The following LEF1 variants were observed in gnomAD, a reference collection of about 807,000 sequenced individuals.
LEF1 encodes lymphoid enhancer binding factor 1.
A neutral mutation model predicts 51.2 loss-of-function variants in LEF1; 14 were observed. That is an observed-to-expected ratio of 0.27 (90% confidence interval 0.18 to 0.43). The LOEUF is 0.43. LEF1 is among the 20% of genes least tolerant of loss of function. The pLI is 1.00. For synonymous variants in LEF1, 185 were observed against 183.2 expected, an observed-to-expected ratio of 1.01 and a Z score of -0.08; for missense variants, 386 against 512.0, an observed-to-expected ratio of 0.75 and a Z score of 2.37.
rs183530248 is a variant in LEF1 at position 108,104,972 on chromosome 4, T to C, written c.415-15715A>G. Among the ~76,000 whole-genome samples the C allele has an allele frequency of 7.2e-5, 11 of 152,162 alleles. No individual in the cohort carries two copies. In the East Asian group the frequency reaches 2.1e-3, roughly 29 times the overall value. On this transcript the variant is annotated intron_variant, in intron 3 of 11. Transcript: ENST00000265165. ...TTGTTCTCAGCTGCCAGGTGAGAGA[T>C]AGGCATGTGACACGGGAGCTGAAGA...
intron 3 of LEF1, among the ~76,000 whole-genome samples, chr4:108,138,631 T>C (rs1324040227): frequency 6.6e-6 from 1 of 152,244 alleles, no homozygotes; most frequent in Non-Finnish European, 1.5e-5. Context: ...ATCTGAAGAA[T>C]ATTTTTACTT....
intron 3 of LEF1, among the ~76,000 whole-genome samples, chr4:108,155,937 G>A (rs1321668652): frequency 1.3e-5 from 2 of 152,142 alleles, no homozygotes; most frequent in Admixed American, 1.3e-4. Context: ...CAATGGCCTA[G>A]AAAAGTCAGC....
intron 3 of LEF1, 22 bp from the exon 4 acceptor site, chr4:108,089,279 A>T: frequency 6.2e-7 from 1 of 1,609,676 alleles, no homozygotes; most frequent in Non-Finnish European, 8.5e-7. Context: ...CCACAAGGTC[A>T]ATAGTTAATA....
At chr4:108,164,821 A>G (rs1165837076) in intron 2 of LEF1, among the ~76,000 whole-genome samples, 1 of 152,204 alleles carries the variant, frequency 6.6e-6, no homozygotes, top group Non-Finnish European at 1.5e-5. Context: ...TAAGATGAGG[A>G]AGAGAAAAAC....
At chr4:108,127,342 T>C (rs1387618435) in intron 3 of LEF1, among the ~76,000 whole-genome samples, 1 of 152,232 alleles carries the variant, frequency 6.6e-6, no homozygotes, top group Non-Finnish European at 1.5e-5. Context: ...AAATTACTTA[T>C]GTTATTTATA....
At chr4:108,166,159 G>A in intron 1 of LEF1, 1 of 1,021,302 alleles carries the variant, frequency 9.8e-7, no homozygotes, top group Non-Finnish European at 1.4e-6. Context: ...TTTTACGCGG[G>A]GTTAGGTGCA....
chr4:108,166,309 T>C, intron 1 of LEF1: 1 of 1,534,850 alleles, frequency 6.5e-7, no homozygotes, highest in Non-Finnish European at 8.7e-7. Context: ...TCTGAGGTGT[T>C]CTTAAACGCG....
chr4:108,146,932 T>C (rs1744030215), intron 3 of LEF1, among the ~76,000 whole-genome samples: 2 of 152,150 alleles, frequency 1.3e-5, no homozygotes, highest in Admixed American at 1.3e-4. Flanking sequence ...GACACAACCG[T>C]GTTTCCCTTA....
chr4:108,099,271 A>G (rs1456966775), intron 3 of LEF1, among the ~76,000 whole-genome samples: 1 of 152,014 alleles, frequency 6.6e-6, no homozygotes, highest in East Asian at 1.9e-4. Context: ...TCTATCAGGC[A>G]GTTCTGCTTA....
At chr4:108,081,152 C>T (rs187763818) in intron 6 of LEF1, among the ~76,000 whole-genome samples, 43 of 152,316 alleles carry the variant, frequency 2.8e-4, no homozygotes, top group Non-Finnish European at 1.6e-4. Context: ...CATTTTCAAA[C>T]ACTGCCGCAT....
At chr4:108,143,748 C>G (rs946188297) in intron 3 of LEF1, among the ~76,000 whole-genome samples, 4 of 152,184 alleles carry the variant, frequency 2.6e-5, no homozygotes, top group African/African-American at 9.7e-5. Context: ...CACAGCACCA[C>G]TTGCTCAGCC....
At chr4:108,113,740 G>T (rs1741667597) in intron 3 of LEF1, among the ~76,000 whole-genome samples, 1 of 152,186 alleles carries the variant, frequency 6.6e-6, no homozygotes, top group Non-Finnish European at 1.5e-5. Flanking sequence ...TAAATTGCAG[G>T]TATGCATGTC....
At chr4:108,126,867 ATATGTG>A (rs969966041) in intron 3 of LEF1, among the ~76,000 whole-genome samples, 9 of 91,068 alleles carry the variant, frequency 9.9e-5, no homozygotes, top group African/African-American at 3.9e-4. Flanking sequence ...TTATTTACTG[ATATGTG>A]TGTGTGTGTG....
At chr4:108,089,316 C>T in intron 3 of LEF1, 59 bp from the exon 4 acceptor site, 2 of 1,560,096 alleles carry the variant, frequency 1.3e-6, no homozygotes, top group Middle Eastern at 1.8e-4. Flanking sequence ...GTCTTTTCTC[C>T]CAAAGAAAAA....
In LEF1 at chr4:108,048,641, A is replaced by G; in HGVS notation, c.*117T>C. The G allele has an allele frequency of 6.8e-6, 10 of 1,480,476 alleles. No individual in the cohort carries two copies. Among genetic ancestry groups the G allele is most frequent in the Non-Finnish European group, 8.3e-6 (9 of 1,089,420 alleles). 91.7% of individuals were successfully genotyped at this position (1,480,476 alleles called of 1,614,324 possible). ...TGATGTCAGTGTTCCTTTGGGGTCG[A>G]CTGGGCAGGCCGTGGAGACAGTCTG... On this transcript the variant is annotated 3_prime_UTR_variant, in exon 12 of 12. Coordinates refer to ENST00000265165, the MANE Select transcript of LEF1 (RefSeq NM_016269.5).
At position 108,163,552 on chromosome 4, in the gene LEF1, T is replaced by C. The variant is rs1161604211; in HGVS notation, c.414+16A>G. The C allele has an allele frequency of 6.2e-7, 1 of 1,606,806 alleles. No individual in the cohort carries two copies. The stretch of plus-strand genomic sequence containing the variant: ...GCACTTCTGAACATAATTTGCAACA[T>C]CAGCATGTTACTTACTGTTCTCGGG... On this transcript the variant is annotated intron_variant, in intron 3 of 11. Transcript: ENST00000265165.
At chr4:108,125,162 A>T (rs1742444773) in intron 3 of LEF1, among the ~76,000 whole-genome samples, 1 of 151,692 alleles carries the variant, frequency 6.6e-6, no homozygotes, top group African/African-American at 2.4e-5. Context: ...TTATTTATTT[A>T]TTTTTATTTA....
intron 3 of LEF1, among the ~76,000 whole-genome samples, chr4:108,114,609 T>C (rs1409276600): frequency 2.0e-5 from 3 of 152,176 alleles, no homozygotes; most frequent in Non-Finnish European, 4.4e-5. Flanking sequence ...TTAAGTGTGG[T>C]GCATATGAGC....
intron 9 of LEF1, among the ~76,000 whole-genome samples, chr4:108,070,000 C>A (rs1193835592): frequency 2.0e-5 from 3 of 151,002 alleles, no homozygotes; most frequent in African/African-American, 7.3e-5. Flanking sequence ...ACATTTATAT[C>A]CTTTACCTCC....
Sources: allele counts gnomAD v4.1 joint callset (sites outside exome capture counted in the v4.1 genomes callset), GRCh38; gene constraint gnomAD v4.1.1; transcripts MANE v1.5; gene names NCBI Gene and HGNC (gene_info 2026-07-23, HGNC 2026-07-21).